Variants in ZNF536 observed in about 807,000 individuals in gnomAD.
The protein encoded by ZNF536 is zinc finger protein 536.
Under a neutral mutation model 84.5 loss-of-function variants are expected in ZNF536, and 13 were observed. That is an observed-to-expected ratio of 0.15 (90% CI 0.10 to 0.24). The LOEUF is 0.24. Among genes scored for constraint, ZNF536 ranks in the 10% least tolerant of loss-of-function variants. The pLI is 1.00. For missense variants in ZNF536, 1,536 were observed against 1,747.5 expected (o/e 0.88, Z 2.16); for synonymous variants, 811 against 742.5 (o/e 1.09, Z -1.50).
At chr19:30,677,035 G>A (rs1341380400) in intron 1 of ZNF536, among the ~76,000 whole-genome samples, 1 of 152,220 alleles carries the variant, frequency 6.6e-6, no homozygotes, top group Non-Finnish European at 1.5e-5. Context: ...TATTTTGCTT[G>A]TGAAAGAAAT....
rs2148180816 is a variant in ZNF536 at position 30,444,364 on chromosome 19, G to T, written c.802G>T (p.Val268Leu). 1 of 1,602,408 alleles carries T rather than the reference G, an allele frequency of 6.2e-7. No individual in the cohort carries two copies. Among genetic ancestry groups the T allele is most frequent in the Non-Finnish European group, 8.5e-7 (1 of 1,179,202 alleles). ...PKPASVQEDA[V>L]APAAGFRCTF... ...GCCTGCCAGCGTGCAGGAGGACGCG[G>T]TGGCCCCGGCGGCGGGCTTCCGCTG... The change falls in exon 2 of 5, where the codon GTG becomes TTG. Residue 268 changes from valine (V) to leucine (L), a missense_variant. Physicochemically the swap from Val to Leu is conservative, Grantham distance 32. Transcript: ENST00000355537.
intron 2 of ZNF536, among the ~76,000 whole-genome samples, chr19:30,312,764 T>G (rs1452895331): frequency 6.6e-6 from 1 of 152,154 alleles, no homozygotes; most frequent in African/African-American, 2.4e-5. Context: ...TAGGGTATGG[T>G]CTTCGGACTG....
At chr19:30,392,312 A>G (rs2049627215) in intron 1 of ZNF536, among the ~76,000 whole-genome samples, 1 of 152,184 alleles carries the variant, frequency 6.6e-6, no homozygotes, top group Non-Finnish European at 1.5e-5. Context: ...GTGCGGTTGA[A>G]TCTAAAATAT....
chr19:30,264,187 C>T (rs926933206), intron 1 of ZNF536, among the ~76,000 whole-genome samples: 5 of 152,124 alleles, frequency 3.3e-5, no homozygotes, highest in African/African-American at 4.8e-5. Context: ...CTAATCAGCC[C>T]GGAGAGGCCT....
At chr19:30,560,045 C>T (rs1179287832), downstream of ZNF536, among the ~76,000 whole-genome samples, 1 of 152,038 alleles carries the variant, frequency 6.6e-6, no homozygotes, top group Non-Finnish European at 1.5e-5. Context: ...GCTTCCCATC[C>T]ACCTCCTCCT....
chr19:30,641,219 C>T (rs1050503425), intron 1 of ZNF536, among the ~76,000 whole-genome samples: 2 of 152,090 alleles, frequency 1.3e-5, no homozygotes, highest in Non-Finnish European at 2.9e-5. Context: ...TTTTACTTCT[C>T]AAAAAAGAAA....
intron 2 of ZNF536, among the ~76,000 whole-genome samples, chr19:30,342,120 C>A (rs888084201): frequency 2.0e-5 from 3 of 152,186 alleles, no homozygotes; most frequent in African/African-American, 7.2e-5. Context: ...ATTCTGGTTT[C>A]ATCTGTTATA....
At chr19:30,415,454 G>T (rs952026784) in intron 1 of ZNF536, among the ~76,000 whole-genome samples, 3 of 149,230 alleles carry the variant, frequency 2.0e-5, no homozygotes, top group African/African-American at 7.5e-5. Context: ...GGAGGTTGGA[G>T]GTCTCTTCTT....
At chr19:30,397,032 C>T (rs1338559223) in intron 1 of ZNF536, among the ~76,000 whole-genome samples, 3 of 152,214 alleles carry the variant, frequency 2.0e-5, no homozygotes, top group Non-Finnish European at 4.4e-5. Context: ...CTTCCACATC[C>T]TATAACTCTA....
chr19:30,415,567 AATC>A (rs1425392332), intron 1 of ZNF536, among the ~76,000 whole-genome samples: 2 of 146,006 alleles, frequency 1.4e-5, no homozygotes, highest in African/African-American at 5.0e-5. Flanking sequence ...CAGACTGAAA[AATC>A]ATCATGATCA....
intron 2 of ZNF536, among the ~76,000 whole-genome samples, chr19:30,313,035 C>T (rs190413789): frequency 6.9e-4 from 105 of 152,352 alleles, no homozygotes; most frequent in African/African-American, 2.4e-3. Flanking sequence ...TTCCAGATCC[C>T]GCTGGGGTGA....
chr19:30,659,399 C>T (rs771651513), intron 1 of ZNF536, among the ~76,000 whole-genome samples: 4 of 152,130 alleles, frequency 2.6e-5, no homozygotes, highest in Non-Finnish European at 5.9e-5. Flanking sequence ...TGTTAAACCA[C>T]TAGAAACCAC....
rs763122092 is a variant in ZNF536 at position 30,549,357 on chromosome 19, G to C, written c.3738G>C (p.Ala1246=). Residue 1246 remains alanine, a synonymous_variant, in exon 4 of 5, where the codon GCG becomes GCC. Transcript: ENST00000355537. ...TTCTCCAAGCCCAGGACCCCTTGGCGGGCCTGCCAAAGCCGGAGCGGGGGC... is the reference window on the plus strand; with the variant it reads ...TTCTCCAAGCCCAGGACCCCTTGGCCGGCCTGCCAAAGCCGGAGCGGGGGC... ...QGLLQAQDPL[A]GLPKPERGPQ... 6.2e-7 allele frequency: 1 copy of C among 1,602,852 alleles called. No homozygotes were observed. The highest frequency in any genetic ancestry group is 8.5e-7 in the Non-Finnish European group (1 of 1,174,160).
intron 1 of ZNF536, among the ~76,000 whole-genome samples, chr19:30,421,877 A>G (rs1227467420): frequency 1.3e-5 from 2 of 152,254 alleles, no homozygotes; most frequent in African/African-American, 2.4e-5. Flanking sequence ...TTCAGCCAGA[A>G]TTTAATAACA....
intron 1 of ZNF536, among the ~76,000 whole-genome samples, chr19:30,657,632 A>G (rs2049964731): frequency 6.6e-6 from 1 of 152,006 alleles, no homozygotes; most frequent in Admixed American, 6.5e-5. Flanking sequence ...TGCAGATTTC[A>G]TGCCTCTCTT....
intron 2 of ZNF536, among the ~76,000 whole-genome samples, chr19:30,457,670 C>T (rs1259140062): frequency 6.6e-6 from 1 of 152,214 alleles, no homozygotes; most frequent in Admixed American, 6.5e-5. Context: ...GGCAGTGGCT[C>T]ATGAATGGAG....
chr19:30,263,881 T>TACACAC (rs35687647), intron 1 of ZNF536, among the ~76,000 whole-genome samples: 7 of 148,010 alleles, frequency 4.7e-5, no homozygotes, highest in South Asian at 4.2e-4. Context: ...CACACACACA[T>TACACAC]ACACACACAC....
intron 1 of ZNF536, among the ~76,000 whole-genome samples, chr19:30,600,283 G>A (rs532799548): frequency 6.6e-6 from 1 of 152,008 alleles, no homozygotes; most frequent in African/African-American, 2.4e-5. Context: ...AGTAGAGACG[G>A]GGTTTCACCA....
intron 1 of ZNF536, among the ~76,000 whole-genome samples, chr19:30,399,988 T>G (rs2049983005): frequency 6.6e-6 from 1 of 152,240 alleles, no homozygotes; most frequent in Non-Finnish European, 1.5e-5. Flanking sequence ...GCACCCAGCC[T>G]TGGCATTGGC....
Sources: gnomAD v4.1 joint callset for allele counts (sites outside exome capture counted in the v4.1 genomes callset) on GRCh38, gnomAD v4.1.1 for gene constraint, MANE v1.5 for transcripts, NCBI Gene and HGNC (gene_info 2026-07-23, HGNC 2026-07-21) for gene names.